The following R3HDM2 variants were observed in gnomAD, a reference collection of about 807,000 sequenced individuals.
The protein encoded by R3HDM2 is R3H domain-containing protein 2.
A neutral mutation model predicts 124.5 loss-of-function variants in R3HDM2; 38 were observed. The observed-to-expected ratio is 0.31, with a 90% CI of 0.24 to 0.40. R3HDM2 has a LOEUF of 0.40. Among genes scored for constraint, R3HDM2 ranks in the 10% least tolerant of loss-of-function variants. The pLI, the probability that R3HDM2 is intolerant of heterozygous loss-of-function variation, is 1.00. For synonymous variants in R3HDM2, 391 were observed against 448.0 expected, an observed-to-expected ratio of 0.87 and a Z score of 1.61; for missense variants, 869 against 1,236.9, an observed-to-expected ratio of 0.70 and a Z score of 4.46.
chr12:57,254,967 C>T lies in R3HDM2; in HGVS notation c.2779G>A (p.Asp927Asn), dbSNP rs754716469. 1.3e-6 allele frequency: 2 copies of T among 1,552,558 alleles called. No homozygotes were observed. Among genetic ancestry groups the T allele is most frequent in the Admixed American group, 3.4e-5 (2 of 59,390 alleles). The change falls in exon 24 of 24, where the codon GAC (aspartate) becomes AAC (asparagine). Residue 927 changes from aspartate to asparagine, a missense_variant. Transcript: ENST00000402412. Reference sequence around the variant, plus strand: ...CCATTCTCAGCAGTCCCACTGTTGTCCCCCCCACCCCCTCCAGGCAGCCCC... The same window carrying T: ...CCATTCTCAGCAGTCCCACTGTTGTTCCCCCCACCCCCTCCAGGCAGCCCC... ...AQGLPGGGGG[D>N]NSGTAENGRH...
intron 23 of R3HDM2, 148 bp from the exon 24 acceptor site, chr12:57,255,261 T>A (rs2038610997): frequency 1.7e-6 from 1 of 605,586 alleles, no homozygotes; most frequent in Admixed American, 3.5e-5. Context: ...TTTCTTCCCC[T>A]CCCCACCATC....
intron 2 of R3HDM2, among the ~76,000 whole-genome samples, chr12:57,386,060 C>A (rs1478581655): frequency 6.8e-6 from 1 of 147,980 alleles, no homozygotes; most frequent in Non-Finnish European, 1.5e-5. Context: ...ACATTTCTCA[C>A]CACATTTTGT....
rs947134471 is a variant in R3HDM2 at position 57,348,262 on chromosome 12, G to A, written c.-35-37799C>T. Among the ~76,000 whole-genome samples, 7 of 151,886 alleles carry A rather than the reference G, an allele frequency of 4.6e-5. No individual in the cohort carries two copies. The East Asian group carries it at 1.4e-3, about 30-fold the overall frequency. ...AACATGGCGAGACCTCGTCTCCCTT[G>A]TCTCTATTAAGAAATAAAAAAAGGC... is the stretch of plus-strand genomic sequence containing the variant. On this transcript the variant is annotated intron_variant, in intron 2 of 23. Transcript: ENST00000402412.
intron 1 of R3HDM2, among the ~76,000 whole-genome samples, chr12:57,396,678 C>G (rs901829746): frequency 2.1e-4 from 31 of 150,042 alleles, no homozygotes; most frequent in African/African-American, 7.4e-4. Flanking sequence ...ACTCAGAAGG[C>G]TGAGCCAGAG....
intron 14 of R3HDM2, among the ~76,000 whole-genome samples, chr12:57,274,963 A>C (rs2044351615): frequency 6.6e-6 from 1 of 152,220 alleles, no homozygotes; most frequent in African/African-American, 2.4e-5. Context: ...ATTACAAAAA[A>C]AAAATTCTAA....
intron 1 of R3HDM2, among the ~76,000 whole-genome samples, chr12:57,422,093 CAA>C (rs35439340): frequency 6.5e-4 from 48 of 74,358 alleles, no homozygotes; most frequent in Middle Eastern, 9.1e-3. Context: ...CTCCGCCTAG[CAA>C]AAAAAAAAAA....
At chr12:57,318,060 C>T (rs894629424) in intron 2 of R3HDM2, among the ~76,000 whole-genome samples, 6 of 149,580 alleles carry the variant, frequency 4.0e-5, no homozygotes, top group Non-Finnish European at 7.4e-5. Flanking sequence ...GAGGCTGAAG[C>T]GGGTGGATTA....
intron 2 of R3HDM2, among the ~76,000 whole-genome samples, chr12:57,391,587 T>C (rs992806131): frequency 1.3e-5 from 2 of 152,178 alleles, no homozygotes; most frequent in African/African-American, 4.8e-5. Context: ...TACAAGTACA[T>C]GTAAAACTGG....
At chr12:57,326,174 A>G (rs1296495120) in intron 2 of R3HDM2, among the ~76,000 whole-genome samples, 1 of 152,172 alleles carries the variant, frequency 6.6e-6, no homozygotes, top group Non-Finnish European at 1.5e-5. Context: ...TGGTCTCCCT[A>G]TTCACTGAGA....
At chr12:57,355,469 AAAAG>A (rs1445041533) in intron 2 of R3HDM2, among the ~76,000 whole-genome samples, 5 of 150,896 alleles carry the variant, frequency 3.3e-5, no homozygotes, top group African/African-American at 7.3e-5. Flanking sequence ...AAAAAAAAAA[AAAAG>A]AAAGAAAAAA....
chr12:57,263,150 C>G (rs1000902603), intron 19 of R3HDM2, among the ~76,000 whole-genome samples: 30 of 152,244 alleles, frequency 2.0e-4, no homozygotes, highest in Non-Finnish European at 8.8e-5. Flanking sequence ...GTTCAAAGAT[C>G]TTGCATTTGA....
At chr12:57,307,626 CTT>C (rs1019477707) in intron 3 of R3HDM2, among the ~76,000 whole-genome samples, 43 of 103,620 alleles carry the variant, frequency 4.1e-4, no homozygotes, top group Middle Eastern at 0.01. Flanking sequence ...CAGCCATGCT[CTT>C]TTTTTTTTTT....
At chr12:57,357,095 T>A (rs1319705661) in intron 2 of R3HDM2, among the ~76,000 whole-genome samples, 1 of 147,870 alleles carries the variant, frequency 6.8e-6, no homozygotes, top group Non-Finnish European at 1.5e-5. Flanking sequence ...ACAGCGAGAC[T>A]CTGTCTCAAA....
rs1283533712 is a variant in R3HDM2 at position 57,296,308 on chromosome 12, A to G, written c.701+103T>C. 1.1e-5 allele frequency: 15 copies of G among 1,350,400 alleles called. 1 individual carries two copies. Among genetic ancestry groups the G allele is most frequent in the Non-Finnish European group, 1.4e-5 (14 of 981,522 alleles). The allele number at this position is 1,350,400 out of a possible 1,614,324, so 83.7% of individuals were successfully genotyped here. A position where few individuals can be genotyped will look rare whatever the true frequency, so the allele number is the denominator to read the frequency against. On this transcript the variant is annotated intron_variant, in intron 9 of 23. Coordinates refer to ENST00000402412, the MANE Select transcript of R3HDM2 (RefSeq NM_001394031.1). The surrounding 1 kb of genome is among the most constrained non-coding windows in gnomAD (Gnocchi z 4.5). Reference sequence around the variant, plus strand: ...GCTGGGATTACAGGTGTGAGCCACCACGCCTGGCCATCTGCAAGAGACATC... The same window carrying G: ...GCTGGGATTACAGGTGTGAGCCACCGCGCCTGGCCATCTGCAAGAGACATC...
In R3HDM2 at chr12:57,310,438, T is replaced by C; in HGVS notation, c.-10A>G. The C allele has an allele frequency of 1.3e-6, 2 of 1,520,110 alleles. No homozygotes were observed. Among genetic ancestry groups the C allele is most frequent in the Non-Finnish European group, 1.8e-6 (2 of 1,135,208 alleles). The allele number at this position is 1,520,110 out of a possible 1,614,324, so 94.2% of individuals were successfully genotyped here. ...TGTTACTGTTAGACATGTTCTTCAA[T>C]AGAATACAGTGGCCTCTATGGACTC... On this transcript the variant is annotated 5_prime_UTR_variant, in exon 3 of 24. Coordinates refer to ENST00000402412, the MANE Select transcript of R3HDM2 (RefSeq NM_001394031.1).
intron 1 of R3HDM2, among the ~76,000 whole-genome samples, chr12:57,429,940 C>T (rs1312836879): frequency 2.0e-5 from 3 of 152,142 alleles, no homozygotes; most frequent in Admixed American, 1.3e-4. Flanking sequence ...ACGTGGCTTA[C>T]GCATATCAGA....
intron 2 of R3HDM2, among the ~76,000 whole-genome samples, chr12:57,356,856 A>C (rs1189597040): frequency 6.6e-6 from 1 of 152,244 alleles, no homozygotes; most frequent in Non-Finnish European, 1.5e-5. Context: ...CACGCCTGTA[A>C]TCCGGCTTTG....
At chr12:57,288,916 G>A in intron 12 of R3HDM2, 93 bp downstream of exon 12, 1 of 1,551,424 alleles carries the variant, frequency 6.4e-7, no homozygotes, top group Non-Finnish European at 8.7e-7. Flanking sequence ...AGAGTCTGTT[G>A]GTTAACATCA....
chr12:57,377,145 A>T (rs944894865), intron 2 of R3HDM2, among the ~76,000 whole-genome samples: 9 of 150,744 alleles, frequency 6.0e-5, no homozygotes, highest in East Asian at 5.8e-4. Context: ...AATTAAAAAT[A>T]TGGAATGTGG....
Sources: allele counts gnomAD v4.1 joint callset (sites outside exome capture counted in the v4.1 genomes callset), GRCh38; gene constraint gnomAD v4.1.1; non-coding constraint Gnocchi (gnomAD v3.1); transcripts MANE v1.5; gene names NCBI Gene and HGNC (gene_info 2026-07-23, HGNC 2026-07-21).